CTXND2: variants seen among roughly 807,000 people sequenced by gnomAD.
The protein encoded by CTXND2 is cortexin domain containing 2.
At chr1:150,907,641 G>A (rs1365250832) in intron 1 of CTXND2, among the ~76,000 whole-genome samples, 1 of 151,512 alleles carries the variant, frequency 6.6e-6, no homozygotes, top group East Asian at 1.9e-4. Flanking sequence ...TTTTTGTGTG[G>A]TCACATGTTT....
At chr1:150,888,747 G>C (rs1299266167) in intron 1 of CTXND2, among the ~76,000 whole-genome samples, 1 of 151,934 alleles carries the variant, frequency 6.6e-6, no homozygotes, top group African/African-American at 2.4e-5. Context: ...CTGGAGTGCA[G>C]TGGTGCGATC....
chr1:150,902,687 A>G (rs1267372596), intron 1 of CTXND2, among the ~76,000 whole-genome samples: 1 of 152,104 alleles, frequency 6.6e-6, no homozygotes, highest in Non-Finnish European at 1.5e-5. Flanking sequence ...TAGTTCTGGT[A>G]ACTATGTTAC....
chr1:150,910,581 GTTTAAAATTACT>G (rs1157478810), intron 1 of CTXND2, among the ~76,000 whole-genome samples: 5 of 150,240 alleles, frequency 3.3e-5, no homozygotes, highest in Non-Finnish European at 5.9e-5. Flanking sequence ...TGGTACCCTA[GTTTAAAATTACT>G]TGGTCATAGA....
In CTXND2 at chr1:150,895,696, G is replaced by A. The variant is rs192690651; in HGVS notation, c.-74+8383G>A. On this transcript the variant is annotated intron_variant, in intron 1 of 1. Coordinates refer to ENST00000636087, the Ensembl canonical transcript of CTXND2. The stretch of plus-strand genomic sequence containing the variant: ...ATCTGTCAGAAACAATTCCCACTGC[G>A]GAGGCCTAGAGAAATCAAATATTCC... Among the ~76,000 whole-genome samples, 22 of 152,276 alleles carry A rather than the reference G, an allele frequency of 1.4e-4. No homozygotes were observed. In the East Asian group the frequency reaches 1.5e-3, roughly 11 times the overall value.
intron 1 of CTXND2, 115 bp from the exon 2 acceptor site, chr1:150,912,127 G>C (rs1669267428): frequency 2.6e-6 from 1 of 389,318 alleles, no homozygotes. Context: ...TGCTTCTTAA[G>C]TAAATCTTAC....
At chr1:150,890,217 C>T (rs745998960) in intron 1 of CTXND2, among the ~76,000 whole-genome samples, 6 of 151,690 alleles carry the variant, frequency 4.0e-5, no homozygotes, top group African/African-American at 1.2e-4. Flanking sequence ...ACCAATCAAA[C>T]GTACTTAATA....
At chr1:150,911,729 G>A (rs1231969958) in intron 1 of CTXND2, among the ~76,000 whole-genome samples, 4 of 152,084 alleles carry the variant, frequency 2.6e-5, no homozygotes, top group Non-Finnish European at 2.9e-5. Flanking sequence ...CACCATGCCC[G>A]GCCTGTAAGT....
intron 1 of CTXND2, among the ~76,000 whole-genome samples, chr1:150,893,324 C>T (rs1314852307): frequency 6.6e-6 from 1 of 151,828 alleles, no homozygotes; most frequent in Non-Finnish European, 1.5e-5. Context: ...TTTTTTTCAT[C>T]TTATCTTACT....
chr1:150,888,609 A>G (rs587735515), intron 1 of CTXND2, among the ~76,000 whole-genome samples: 13 of 152,156 alleles, frequency 8.5e-5, no homozygotes, highest in African/African-American at 2.9e-4. Flanking sequence ...GGATCACTGC[A>G]TATGAAAATG....
intron 1 of CTXND2, among the ~76,000 whole-genome samples, chr1:150,895,307 C>T (rs1668902054): frequency 6.6e-6 from 1 of 151,824 alleles, no homozygotes; most frequent in South Asian, 2.1e-4. Context: ...CATCCAACTA[C>T]CCTTCCTGTT....
At position 150,898,731 on chromosome 1, in the gene CTXND2, G is replaced by C. The variant is rs981828555; in HGVS notation, c.-74+11418G>C. On this transcript the variant is annotated intron_variant, in intron 1 of 1. Transcript: ENST00000636087. ...AGATCGTGCCACTGCACTTCAGCCT[G>C]GCCACAGAGCAAGATTCTGACTCAA... is the stretch of plus-strand genomic sequence containing the variant. 1.0e-4 allele frequency among the ~76,000 whole-genome samples: 15 copies of C among 146,072 alleles called. 1 individual carries two copies. The Middle Eastern group carries it at 0.016, about 152-fold the overall frequency.
chr1:150,909,510 C>T (rs185681605), intron 1 of CTXND2, among the ~76,000 whole-genome samples: 26 of 151,914 alleles, frequency 1.7e-4, no homozygotes, highest in African/African-American at 3.4e-4. Flanking sequence ...TGACCCCAGA[C>T]GGCACCATAG....
At chr1:150,898,931 A>AT (rs1553235144) in intron 1 of CTXND2, among the ~76,000 whole-genome samples, 5,062 of 138,996 alleles carry the variant, frequency 0.036, 111 homozygotes, top group Non-Finnish European at 0.046. Flanking sequence ...CAAAAAAAAA[A>AT]ATATATATAT....
intron 1 of CTXND2, among the ~76,000 whole-genome samples, chr1:150,911,793 G>A (rs1269513295): frequency 6.6e-6 from 1 of 152,134 alleles, no homozygotes; most frequent in Non-Finnish European, 1.5e-5. Context: ...TCATGAAGAT[G>A]TAAGAATGAC....
chr1:150,901,099 G>C (rs1017435929), intron 1 of CTXND2, among the ~76,000 whole-genome samples: 24 of 152,262 alleles, frequency 1.6e-4, no homozygotes, highest in African/African-American at 5.8e-4. Flanking sequence ...GTGACAGAGT[G>C]AGACCCTGTC....
chr1:150,888,924 G>A (rs1290345667), intron 1 of CTXND2, among the ~76,000 whole-genome samples: 3 of 151,778 alleles, frequency 2.0e-5, no homozygotes, highest in Non-Finnish European at 4.4e-5. Flanking sequence ...GACTGGTCTC[G>A]AATTCCTGGG....
intron 1 of CTXND2, among the ~76,000 whole-genome samples, chr1:150,903,489 ATAAAAT>A: frequency 6.6e-6 from 1 of 152,100 alleles, no homozygotes; most frequent in East Asian, 1.9e-4. Context: ...AAAAAATAAA[ATAAAAT>A]TAAAAATAAA....
At chr1:150,909,193 A>C (rs1253460268) in intron 1 of CTXND2, among the ~76,000 whole-genome samples, 2 of 148,344 alleles carry the variant, frequency 1.3e-5, no homozygotes, top group Non-Finnish European at 3.0e-5. Flanking sequence ...AGCCGAGATC[A>C]CGCCATTGCC....
At chr1:150,908,352 C>T (rs946212608) in intron 1 of CTXND2, among the ~76,000 whole-genome samples, 2 of 152,104 alleles carry the variant, frequency 1.3e-5, no homozygotes, top group Non-Finnish European at 2.9e-5. Context: ...GACTGTTTTC[C>T]AAAGTAACTT....
Sources: allele counts gnomAD v4.1 joint callset (sites outside exome capture counted in the v4.1 genomes callset), GRCh38; gene constraint gnomAD v4.1.1; transcripts MANE v1.5; gene names NCBI Gene and HGNC (gene_info 2026-07-23, HGNC 2026-07-21).